Variants in PDGFD observed in about 807,000 individuals in gnomAD.
PDGFD encodes platelet derived growth factor D.
PDGFD carries 30 observed loss-of-function variants against 44.7 expected under a neutral mutation model. That is an observed-to-expected ratio of 0.67 (90% CI 0.50 to 0.91). The LOEUF (loss-of-function observed/expected upper bound fraction) is 0.91. Ranked by LOEUF, PDGFD falls within the 40% of genes least tolerant of loss-of-function variation. PDGFD has a pLI of 0.00. For missense variants in PDGFD, 445 were observed against 457.8 expected, an observed-to-expected ratio of 0.97 and a Z score of 0.25; for synonymous variants, 173 against 168.4, an observed-to-expected ratio of 1.03 and a Z score of -0.21.
In PDGFD at chr11:104,084,226, C is replaced by T. The variant is rs75816102; in HGVS notation, c.124+79578G>A. ...CACAGGTAACTCACAAATAGAGAAACAAGAAATATTAGCTGGTGGGAAGTG... is the reference window on the plus strand; with the variant it reads ...CACAGGTAACTCACAAATAGAGAAATAAGAAATATTAGCTGGTGGGAAGTG... On this transcript the variant is annotated intron_variant, in intron 1 of 6. Coordinates refer to ENST00000393158, the MANE Select transcript of PDGFD (RefSeq NM_025208.5). 5.8e-3 allele frequency among the ~76,000 whole-genome samples: 878 copies of T among 152,216 alleles called. 33 individuals carry two copies. In the East Asian group the frequency reaches 0.13, roughly 22 times the overall value.
At chr11:104,088,119 C>T (rs185490002) in intron 1 of PDGFD, among the ~76,000 whole-genome samples, 2 of 152,290 alleles carry the variant, frequency 1.3e-5, no homozygotes, top group African/African-American at 4.8e-5. Context: ...CTTGACTATA[C>T]ACAAATGACT....
chr11:104,137,763 A>G (rs1291213568), intron 1 of PDGFD, among the ~76,000 whole-genome samples: 1 of 123,828 alleles, frequency 8.1e-6, no homozygotes, highest in Non-Finnish European at 1.6e-5. Context: ...TTACATTCTA[A>G]CCTACTGGAT....
intron 1 of PDGFD, among the ~76,000 whole-genome samples, chr11:104,136,641 C>T (rs184949648): frequency 1.2e-3 from 181 of 152,262 alleles, no homozygotes; most frequent in Non-Finnish European, 2.0e-3. Context: ...TAAATTACAA[C>T]ATCAATGAAG....
intron 1 of PDGFD, among the ~76,000 whole-genome samples, chr11:104,008,649 T>C (rs1220138563): frequency 6.6e-6 from 1 of 152,134 alleles, no homozygotes; most frequent in Non-Finnish European, 1.5e-5. Context: ...TGAGTCTATC[T>C]AGGTAGAAGA....
intron 3 of PDGFD, among the ~76,000 whole-genome samples, chr11:103,966,858 C>T (rs925272290): frequency 5.3e-5 from 8 of 152,082 alleles, no homozygotes; most frequent in African/African-American, 1.9e-4. Flanking sequence ...GATGCTTTCA[C>T]TGACCACTCA....
chr11:103,987,358 C>T (rs1441591332), intron 3 of PDGFD, among the ~76,000 whole-genome samples: 1 of 152,156 alleles, frequency 6.6e-6, no homozygotes, highest in Non-Finnish European at 1.5e-5. Context: ...AGGCTCTCCT[C>T]TTCTTCCTGA....
At chr11:103,975,242 T>A (rs187065866) in intron 3 of PDGFD, among the ~76,000 whole-genome samples, 1 of 152,348 alleles carries the variant, frequency 6.6e-6, no homozygotes, top group East Asian at 1.9e-4. Flanking sequence ...TAATAACCAA[T>A]GATGATGAGC....
intron 1 of PDGFD, among the ~76,000 whole-genome samples, chr11:104,095,853 A>T (rs993450782): frequency 6.6e-6 from 1 of 152,154 alleles, no homozygotes; most frequent in African/African-American, 2.4e-5. Flanking sequence ...CTCTTTATAT[A>T]TTTCACACTA....
At chr11:104,087,867 C>T (rs984976782) in intron 1 of PDGFD, among the ~76,000 whole-genome samples, 1 of 152,224 alleles carries the variant, frequency 6.6e-6, no homozygotes, top group Non-Finnish European at 1.5e-5. Flanking sequence ...GAGGCCTAGA[C>T]TAGTTTGTAA....
intron 1 of PDGFD, chr11:104,036,862 G>C (rs1860246810): frequency 1.2e-6 from 2 of 1,614,078 alleles, no homozygotes; most frequent in Non-Finnish European, 1.7e-6. Context: ...GGACCTCTCC[G>C]AGGTCACCTT....
At chr11:104,154,246 A>C (rs1293231652) in intron 1 of PDGFD, among the ~76,000 whole-genome samples, 1 of 152,206 alleles carries the variant, frequency 6.6e-6, no homozygotes, top group Non-Finnish European at 1.5e-5. Flanking sequence ...TCATGGTAAC[A>C]GAGAAAGAGT....
intron 6 of PDGFD, among the ~76,000 whole-genome samples, chr11:103,925,616 C>T (rs1003679025): frequency 6.0e-5 from 9 of 148,832 alleles, no homozygotes; most frequent in African/African-American, 2.2e-4. Context: ...GCCTATGTCA[C>T]GGAAGAGCTC....
intron 1 of PDGFD, among the ~76,000 whole-genome samples, chr11:104,005,533 T>C (rs1173608360): frequency 6.6e-6 from 1 of 152,206 alleles, no homozygotes; most frequent in Non-Finnish European, 1.5e-5. Flanking sequence ...AGTACCAAAG[T>C]ATTATACACA....
chr11:104,039,601 C>A (rs1418476659), intron 1 of PDGFD, among the ~76,000 whole-genome samples: 1 of 151,994 alleles, frequency 6.6e-6, no homozygotes, highest in Non-Finnish European at 1.5e-5. Flanking sequence ...AAGTTTTATA[C>A]CCAGTAGAAC....
chr11:104,071,288 A>C (rs1184423181), intron 1 of PDGFD, among the ~76,000 whole-genome samples: 1 of 151,850 alleles, frequency 6.6e-6, no homozygotes, highest in Non-Finnish European at 1.5e-5. Flanking sequence ...GTTAAGTTGA[A>C]TATGTTTACT....
At chr11:103,998,829 G>A (rs373380824) in intron 2 of PDGFD, among the ~76,000 whole-genome samples, 3 of 152,090 alleles carry the variant, frequency 2.0e-5, no homozygotes, top group South Asian at 4.1e-4. Flanking sequence ...AGCTGGTGTT[G>A]GAGGATTAAC....
At position 104,157,018 on chromosome 11, in the gene PDGFD, C is replaced by A. The variant is rs147702200; in HGVS notation, c.124+6786G>T. Among the ~76,000 whole-genome samples the A allele has an allele frequency of 3.2e-3, 482 of 152,226 alleles. 2 individuals carry two copies. Among genetic ancestry groups the A allele is most frequent in the African/African-American group, 0.011 (454 of 41,536 alleles). On this transcript the variant is annotated intron_variant, in intron 1 of 6. Coordinates refer to ENST00000393158, the MANE Select transcript of PDGFD (RefSeq NM_025208.5). ...CTCACATAGAAGTGTAAAAATGCTC[C>A]CTTTTAAATTGCATTAATTCTGAAA... is the stretch of plus-strand genomic sequence containing the variant.
chr11:104,066,173 G>A (rs566262788), intron 1 of PDGFD, among the ~76,000 whole-genome samples: 7 of 152,240 alleles, frequency 4.6e-5, no homozygotes, highest in East Asian at 3.9e-4. Context: ...CCATACCTCC[G>A]TCATCTTCCA....
intron 1 of PDGFD, among the ~76,000 whole-genome samples, chr11:104,145,103 GTTAT>G (rs1193448624): frequency 6.6e-6 from 1 of 152,132 alleles, no homozygotes; most frequent in African/African-American, 2.4e-5. Context: ...TATTGTTATT[GTTAT>G]TTAATCTCTG....
Sources: gnomAD v4.1 joint callset for allele counts (sites outside exome capture counted in the v4.1 genomes callset) on GRCh38, gnomAD v4.1.1 for gene constraint, MANE v1.5 for transcripts, NCBI Gene and HGNC (gene_info 2026-07-23, HGNC 2026-07-21) for gene names.